PCDHA6: variants seen among roughly 807,000 people sequenced by gnomAD.
PCDHA6 encodes the protein protocadherin alpha-6.
A neutral mutation model predicts 60.3 loss-of-function variants in PCDHA6; 55 were observed. That is an observed-to-expected ratio of 0.91 (90% CI 0.73 to 1.14). The LOEUF (loss-of-function observed/expected upper bound fraction) is 1.14, where lower values mean the gene tolerates loss of function less well. PCDHA6 is among the 50% of genes most tolerant of loss of function. PCDHA6 has a pLI of 0.00. For synonymous variants in PCDHA6, 652 were observed against 557.9 expected (o/e 1.17, Z -2.38); for missense variants, 1,327 against 1,256.5 (o/e 1.06, Z -0.85).
intron 1 of PCDHA6, among the ~76,000 whole-genome samples, chr5:140,937,624 A>G (rs2091636613): frequency 6.6e-6 from 1 of 150,778 alleles, no homozygotes; most frequent in Non-Finnish European, 1.5e-5. Context: ...CTAAAAAGAA[A>G]AAGAAAGGCA....
At chr5:140,851,173 A>G in intron 1 of PCDHA6, 1 of 1,267,370 alleles carries the variant, frequency 7.9e-7, no homozygotes, top group South Asian at 2.8e-5. Context: ...CTGCCATAAC[A>G]CTTGAAAACC....
intron 1 of PCDHA6, among the ~76,000 whole-genome samples, chr5:140,941,284 TTCTCTTTC>T (rs1330714341): frequency 4.0e-5 from 5 of 124,574 alleles, no homozygotes; most frequent in African/African-American, 1.4e-4. Context: ...CTTCCTTCCT[TTCTCTTTC>T]TTTCTTTCTT....
chr5:140,895,124 T>A (rs2064859568), intron 1 of PCDHA6, among the ~76,000 whole-genome samples: 1 of 152,196 alleles, frequency 6.6e-6, no homozygotes, highest in Non-Finnish European at 1.5e-5. Flanking sequence ...ATTTGTTAGT[T>A]GACAAGTTCA....
chr5:140,910,171 T>C (rs186096076), intron 1 of PCDHA6, among the ~76,000 whole-genome samples: 22 of 152,340 alleles, frequency 1.4e-4, no homozygotes, highest in Admixed American at 1.2e-3. Flanking sequence ...TGATCCTCTG[T>C]TTTTATAATT....
intron 1 of PCDHA6, chr5:140,884,763 CT>C (rs1206964755): frequency 1.9e-5 from 27 of 1,421,678 alleles, no homozygotes; most frequent in Non-Finnish European, 2.4e-5. Context: ...TTATTCTTTA[CT>C]TTAATTTTAA....
At chr5:140,884,941 C>T (rs1326188943) in intron 1 of PCDHA6, among the ~76,000 whole-genome samples, 1 of 152,116 alleles carries the variant, frequency 6.6e-6, no homozygotes, top group Admixed American at 6.5e-5. Context: ...TGCAATTGAG[C>T]ATTTACAAAA....
At chr5:140,989,444 T>C (rs2097342711) in intron 3 of PCDHA6, among the ~76,000 whole-genome samples, 1 of 152,130 alleles carries the variant, frequency 6.6e-6, no homozygotes, top group South Asian at 2.1e-4. Context: ...CTGAGGTTGT[T>C]TAGAATTGTT....
intron 1 of PCDHA6, chr5:140,857,339 T>A (rs2044519052): frequency 1.3e-6 from 2 of 1,597,956 alleles, no homozygotes; most frequent in Non-Finnish European, 1.7e-6. Context: ...GGACGGGGGC[T>A]CGCCTCCGCT....
chr5:140,862,777 C>T, intron 1 of PCDHA6: 1 of 577,324 alleles, frequency 1.7e-6, no homozygotes, highest in Non-Finnish European at 3.3e-6. Context: ...CGCGTTGCAG[C>T]CACTGGACTA....
At chr5:140,954,948 G>A (rs1163066790) in intron 1 of PCDHA6, among the ~76,000 whole-genome samples, 2 of 152,204 alleles carry the variant, frequency 1.3e-5, no homozygotes, top group Non-Finnish European at 1.5e-5. Flanking sequence ...GTTAATTTTT[G>A]TATAAGATGT....
rs2150187126 is a variant in PCDHA6, at chr5:140,830,481, C to A, written c.2390C>A (p.Ala797Asp). ...CAGGATTTAAATGAAGATCATGATGCCAAAGTAAGTGAATTTTCATAATTA... is the reference window on the plus strand; with the variant it reads ...CAGGATTTAAATGAAGATCATGATGACAAAGTAAGTGAATTTTCATAATTA... ...ENQDLNEDHD[A>D]KPRQPNPDWR... Residue 797 changes from alanine to aspartate, a missense_variant, in exon 1 of 4, where the codon GCC becomes GAC. Coordinates refer to ENST00000529310, the MANE Select transcript of PCDHA6 (RefSeq NM_018909.4). The A allele has an allele frequency of 6.6e-7, 1 of 1,505,878 alleles. No individual in the cohort carries two copies. The highest frequency in any genetic ancestry group is 2.4e-5 in the East Asian group (1 of 42,200). 93.3% of individuals were successfully genotyped at this position (1,505,878 alleles called of 1,614,324 possible). A position where few individuals can be genotyped will look rare whatever the true frequency, so the allele number is the denominator to read the frequency against.
intron 1 of PCDHA6, chr5:140,868,176 CAT>C (rs1246417615): frequency 2.0e-5 from 3 of 152,006 alleles, no homozygotes; most frequent in African/African-American, 7.2e-5. Flanking sequence ...TTTGATATCT[CAT>C]ATTATGCTAC....
At position 140,830,341 on chromosome 5, in the gene PCDHA6, C is replaced by T. The variant is rs1554132760; in HGVS notation, c.2250C>T (p.Tyr750=). 11 of 1,613,972 alleles carry T rather than the reference C, an allele frequency of 6.8e-6. No homozygotes were observed. The highest frequency in any genetic ancestry group is 1.7e-5 in the Admixed American group (1 of 59,998). Reference sequence around the variant, plus strand: ...CCAGCGCAGTGGGGAGCTGGTCGTACTCGCAGCAGAGGCGGCAGAGGGTGT... The same window carrying T: ...CCAGCGCAGTGGGGAGCTGGTCGTATTCGCAGCAGAGGCGGCAGAGGGTGT... ...VCSSAVGSWS[Y]SQQRRQRVCS... Residue 750 remains tyrosine, a synonymous_variant, in exon 1 of 4, where the codon TAC becomes TAT. Transcript: ENST00000529310.
At chr5:140,842,538 C>T (rs1554139153) in intron 1 of PCDHA6, 6 of 1,611,596 alleles carry the variant, frequency 3.7e-6, no homozygotes, top group South Asian at 1.1e-5. Context: ...AATTACTACT[C>T]GTTGGTGCTG....
At chr5:140,970,146 C>A (rs1408492600) in intron 1 of PCDHA6, among the ~76,000 whole-genome samples, 3 of 152,156 alleles carry the variant, frequency 2.0e-5, no homozygotes, top group Admixed American at 6.5e-5. Context: ...AAAAAGAATT[C>A]TCCCAATAGT....
chr5:140,985,111 G>A (rs1252708098), intron 3 of PCDHA6, among the ~76,000 whole-genome samples: 2 of 151,892 alleles, frequency 1.3e-5, no homozygotes, highest in African/African-American at 2.4e-5. Context: ...CTAATTTTTT[G>A]TGTTTTTAGT....
chr5:140,932,088 T>G (rs2088018403), intron 1 of PCDHA6, among the ~76,000 whole-genome samples: 1 of 151,932 alleles, frequency 6.6e-6, no homozygotes, highest in Non-Finnish European at 1.5e-5. Context: ...CAGGAAAACA[T>G]GGTTTTTATC....
chr5:140,851,545 G>A, intron 1 of PCDHA6: 1 of 908,276 alleles, frequency 1.1e-6, no homozygotes, highest in East Asian at 1.2e-4. Context: ...GATAATTCAA[G>A]AAATGTTGAC....
At chr5:141,005,960 TA>T (rs1322848010) in intron 3 of PCDHA6, among the ~76,000 whole-genome samples, 2 of 151,500 alleles carry the variant, frequency 1.3e-5, no homozygotes, top group Non-Finnish European at 2.9e-5. Context: ...CAAACAACAA[TA>T]AAAAAACAAT....
Sources: gnomAD v4.1 joint callset for allele counts (sites outside exome capture counted in the v4.1 genomes callset) on GRCh38, gnomAD v4.1.1 for gene constraint, MANE v1.5 for transcripts, NCBI Gene and HGNC (gene_info 2026-07-23, HGNC 2026-07-21) for gene names.